MCM4: variants seen among roughly 807,000 people sequenced by gnomAD.
MCM4 encodes minichromosome maintenance complex component 4, also known as DNA replication licensing factor MCM4.
A neutral mutation model predicts 88.7 loss-of-function variants in MCM4; 60 were observed. The observed-to-expected ratio is 0.68, with a 90% CI of 0.55 to 0.84. The LOEUF is 0.84. Ranked by LOEUF, MCM4 falls within the 40% of genes least tolerant of loss-of-function variation. The pLI is 0.00. For missense variants in MCM4, 1,149 were observed against 1,105.5 expected (o/e 1.04, Z -0.56); for synonymous variants, 465 against 410.5 (o/e 1.13, Z -1.61).
rs901459463 is a variant in MCM4, at chr8:47,973,171, T to A, written c.2136+107T>A. On this transcript the variant is annotated intron_variant, in intron 14 of 16. Coordinates refer to ENST00000649973, the MANE Select transcript of MCM4 (RefSeq NM_182746.3). ...AATTATTTTGTTACGAATAACATAC[T>A]GTTCTCTTCCTTGTTTTGAGACAGA... 3 of 1,040,116 alleles carry A rather than the reference T, an allele frequency of 2.9e-6. No homozygotes were observed. The African/African-American group carries it at 4.8e-5, about 17-fold the overall frequency. 64.4% of individuals were successfully genotyped at this position (1,040,116 alleles called of 1,614,324 possible).
intron 5 of MCM4, 111 bp downstream of exon 5, chr8:47,962,517 C>A: frequency 9.1e-7 from 1 of 1,100,006 alleles, no homozygotes; most frequent in Non-Finnish European, 1.3e-6. Context: ...CCTGTGGTGG[C>A]TCACACCTAT....
chr8:47,971,284 G>T, intron 12 of MCM4, 57 bp from the exon 13 acceptor site: 1 of 1,606,678 alleles, frequency 6.2e-7, no homozygotes, highest in Admixed American at 1.7e-5. Context: ...CGAAGACGGT[G>T]CTTGTTAATT....
intron 7 of MCM4, 81 bp downstream of exon 7, chr8:47,963,121 A>C: frequency 1.8e-5 from 15 of 837,292 alleles, no homozygotes; most frequent in Non-Finnish European, 2.5e-5. Flanking sequence ...TTCTTCAGTA[A>C]TGAAGATAGT....
chr8:47,966,327 C>T lies in MCM4; in HGVS notation c.973C>T (p.Pro325Ser), dbSNP rs1395546600. The T allele has an allele frequency of 6.2e-7, 1 of 1,613,986 alleles. No homozygotes were observed. The highest frequency in any genetic ancestry group is 8.5e-7 in the Non-Finnish European group (1 of 1,180,040). ...GATGGACCGCGGCCGCATTGCAGAG[C>T]CCAGTGTGTGCGGGCGCTGCCACAC... Reference protein sequence around the residue: ...VEMDRGRIAEPSVCGRCHTTH... With the variant: ...VEMDRGRIAESSVCGRCHTTH... The change falls in exon 9 of 17, where the codon CCC becomes TCC. Residue 325 changes from proline to serine, a missense_variant. Transcript: ENST00000649973.
In MCM4 at chr8:47,969,906, G is replaced by A. The variant is rs376187463; in HGVS notation, c.1283G>A (p.Arg428His). ...CATTATCGGAAAACGGATGCAAAAC[G>A]TCTGCATGGCCTTGATGAAGAAGCA... ...VIHYRKTDAK[R>H]LHGLDEEAEQ... Residue 428 changes from arginine (R) to histidine (H), a missense_variant, in exon 11 of 17, where the codon CGT becomes CAT. Arg to His is a conservative substitution (Grantham distance 29). Coordinates refer to ENST00000649973, the MANE Select transcript of MCM4 (RefSeq NM_182746.3). The A allele has an allele frequency of 6.2e-6, 10 of 1,614,094 alleles. No homozygotes were observed. The highest frequency in any genetic ancestry group is 2.2e-5 in the East Asian group (1 of 44,894).
At chr8:47,971,200 G>A in intron 12 of MCM4, 141 bp from the exon 13 acceptor site, 2 of 945,688 alleles carry the variant, frequency 2.1e-6, no homozygotes, top group Non-Finnish European at 3.2e-6. Context: ...GTGAACTGCT[G>A]AAGTCAGTAA....
intron 3 of MCM4, 44 bp downstream of exon 3, chr8:47,961,724 C>A (rs761666180): frequency 6.4e-7 from 1 of 1,562,620 alleles, no homozygotes; most frequent in South Asian, 1.2e-5. Flanking sequence ...TGATACACAG[C>A]TGATGCTTTA....
rs1589833549 is a variant in MCM4 at position 47,972,917 on chromosome 8, T to C, written c.1989T>C (p.Ala663=). Residue 663 remains alanine, a synonymous_variant, in exon 14 of 17, where the codon GCT becomes GCC. Coordinates refer to ENST00000649973, the MANE Select transcript of MCM4 (RefSeq NM_182746.3). The stretch of plus-strand genomic sequence containing the variant: ...ACGAAGCCTATGACAGGCGTCTGGC[T>C]CACCACCTGGTCGCACTGTACTACC... ...PQDEAYDRRL[A]HHLVALYYQS... 6.2e-7 allele frequency: 1 copy of C among 1,614,202 alleles called. No homozygotes were observed. Among genetic ancestry groups the C allele is most frequent in the Non-Finnish European group, 8.5e-7 (1 of 1,180,036 alleles).
At chr8:47,973,189 G>C (rs1427184403) in intron 14 of MCM4, 125 bp downstream of exon 14, 13 of 938,088 alleles carry the variant, frequency 1.4e-5, no homozygotes, top group South Asian at 1.7e-5. Context: ...TCCTTGTTTT[G>C]AGACAGAGCC....
chr8:47,972,595 C>T (rs568673408), intron 13 of MCM4, among the ~76,000 whole-genome samples: 1 of 152,150 alleles, frequency 6.6e-6, no homozygotes, highest in African/African-American at 2.4e-5. Context: ...CTCCCTCTGT[C>T]GGCCAGGCTG....
At chr8:47,961,284 A>G in intron 2 of MCM4, 70 bp downstream of exon 2, 10 of 1,422,728 alleles carry the variant, frequency 7.0e-6, no homozygotes, top group Non-Finnish European at 9.1e-6. Context: ...CGCAGCTGGC[A>G]GCGCTGGGTG....
rs761930708 is a variant in MCM4 at position 47,972,974 on chromosome 8, G to C, written c.2046G>C (p.Leu682=). The part of the protein sequence containing the change: ...QSEEQAEEEL[L]DMAVLKDYIA... ...AGGAGCAGGCAGAGGAGGAGCTCCT[G>C]GACATGGCGGTGCTAAAGGACTACA... is the stretch of plus-strand genomic sequence containing the variant. The change falls in exon 14 of 17, where the codon CTG becomes CTC. Residue 682 remains leucine (L), a synonymous_variant. Transcript: ENST00000649973. The C allele has an allele frequency of 1.9e-6, 3 of 1,614,036 alleles. No individual in the cohort carries two copies. Among genetic ancestry groups the C allele is most frequent in the South Asian group, 2.2e-5 (2 of 91,080 alleles).
rs1033204698 is a variant in MCM4 at position 47,962,069 on chromosome 8, T to C, written c.252T>C (p.Phe84=). 1 of 1,614,130 alleles carries C rather than the reference T, an allele frequency of 6.2e-7. No homozygotes were observed. The highest frequency in any genetic ancestry group is 2.2e-5 in the East Asian group (1 of 44,890). ...QMHSSAIPLD[F]DVSSPLTYGT... is the part of the protein sequence containing the mutation. Reference sequence around the variant, plus strand: ...TTTTTATAGCTATCCCTCTTGACTTTGATGTTAGTTCACCACTGACATACG... The same window carrying C: ...TTTTTATAGCTATCCCTCTTGACTTCGATGTTAGTTCACCACTGACATACG... Residue 84 remains phenylalanine, a synonymous_variant, in exon 4 of 17, where the codon TTT becomes TTC. Transcript: ENST00000649973.
In MCM4 at chr8:47,961,614, G is replaced by A. The variant is rs577919855; in HGVS notation, c.169G>A (p.Val57Met). ...GCAGCCGATGCCAACCTCGCCTGGA[G>A]TGGACCTGCAGAGCCCTGCTGCGCA... ...ELQPMPTSPG[V>M]DLQSPAAQDV... Residue 57 changes from valine to methionine, a missense_variant, in exon 3 of 17, where the codon GTG (valine) becomes ATG (methionine). By Grantham distance (21) the Val-to-Met change is conservative. This residue lies in a region of MCM4 where 906 missense variants were observed against 843.0 expected (regional missense o/e 1.07). Transcript: ENST00000649973. 1.0e-4 allele frequency: 165 copies of A among 1,614,190 alleles called. No homozygotes were observed. Among genetic ancestry groups the A allele is most frequent in the Non-Finnish European group, 1.3e-4 (158 of 1,180,028 alleles).
rs375801965 is a variant in MCM4, at chr8:47,976,834, G to A, written c.*56G>A. The A allele has an allele frequency of 1.4e-3, 1,549 of 1,126,888 alleles. 4 individuals carry two copies. Among genetic ancestry groups the A allele is most frequent in the Non-Finnish European group, 1.9e-3 (1,442 of 739,558 alleles). 69.8% of individuals were successfully genotyped at this position (1,126,888 alleles called of 1,614,324 possible). On this transcript the variant is annotated 3_prime_UTR_variant, in exon 17 of 17. Transcript: ENST00000649973. ...GTCCTGCTTGCTGCACGCCACATGG[G>A]TGTGGTCTGCATCTCAGTTGGCCGC... is the stretch of plus-strand genomic sequence containing the variant.
At chr8:47,970,990 T>TA in intron 12 of MCM4, 114 bp downstream of exon 12, 2 of 1,272,488 alleles carry the variant, frequency 1.6e-6, no homozygotes, top group Non-Finnish European at 2.1e-6. Flanking sequence ...GGGAGATTGA[T>TA]AAGTGCTTTC....
intron 12 of MCM4, 82 bp downstream of exon 12, chr8:47,970,958 G>T: frequency 2.0e-6 from 3 of 1,479,388 alleles, no homozygotes; most frequent in Non-Finnish European, 2.7e-6. Context: ...GAACTGTGCT[G>T]TGCTACCTTG....
chr8:47,970,163 T>C (rs1384481762), intron 11 of MCM4, 106 bp downstream of exon 11: 6 of 1,345,896 alleles, frequency 4.5e-6, no homozygotes, highest in African/African-American at 1.5e-5. Flanking sequence ...AGGACAGAGT[T>C]GTGGCCTGTT....
chr8:47,974,593 C>T, intron 14 of MCM4, 141 bp from the exon 15 acceptor site: 1 of 694,344 alleles, frequency 1.4e-6, no homozygotes, highest in South Asian at 1.7e-5. Context: ...GTAGTCTCTA[C>T]CACTTGATGA....
Sources: gnomAD v4.1 joint callset for allele counts (sites outside exome capture counted in the v4.1 genomes callset) on GRCh38, gnomAD v4.1.1 for gene constraint, gnomAD v4.1.1 regional missense constraint, MANE v1.5 for transcripts, NCBI Gene and HGNC (gene_info 2026-07-23, HGNC 2026-07-21) for gene names.